Variants in VTI1A observed in about 807,000 individuals in gnomAD.
The protein encoded by VTI1A is vesicle transport through interaction with t-SNAREs 1A, also known as vesicle transport through interaction with t-SNAREs homolog 1A.
In VTI1A, 22 loss-of-function variants were observed where a neutral mutation model predicts 34.9. That is an observed-to-expected ratio of 0.63 (90% CI 0.45 to 0.90). The LOEUF (loss-of-function observed/expected upper bound fraction) is 0.90. VTI1A is among the 40% of genes least tolerant of loss of function. The pLI is 0.00. For missense variants in VTI1A, 268 were observed against 275.6 expected (o/e 0.97, Z 0.20); for synonymous variants, 87 against 97.3 (o/e 0.89, Z 0.62).
intron 5 of VTI1A, among the ~76,000 whole-genome samples, chr10:112,599,461 G>A (rs139105436): frequency 0.017 from 2,530 of 152,238 alleles, 33 homozygotes; most frequent in Middle Eastern, 0.031. Flanking sequence ...TAAATATTAG[G>A]ACAAAACAGT....
intron 7 of VTI1A, among the ~76,000 whole-genome samples, chr10:112,796,401 G>T (rs185483679): frequency 3.1e-5 from 2 of 63,804 alleles, no homozygotes; most frequent in Non-Finnish European, 4.0e-5. Context: ...GCAAGACTCC[G>T]TCAAAAAAAA....
At chr10:112,731,884 G>A (rs968800186) in intron 7 of VTI1A, among the ~76,000 whole-genome samples, 2 of 152,082 alleles carry the variant, frequency 1.3e-5, no homozygotes, top group African/African-American at 4.8e-5. Context: ...GCCTTCATTT[G>A]AAACTTAAAA....
chr10:112,772,723 G>A (rs549286168), intron 7 of VTI1A, among the ~76,000 whole-genome samples: 28 of 152,308 alleles, frequency 1.8e-4, no homozygotes, highest in Non-Finnish European at 2.9e-4. Context: ...TATATGCTGT[G>A]AGGTAAGGTT....
rs1175038252 is a variant in VTI1A at position 112,486,581 on chromosome 10, T to TGA, written c.264+21925_264+21926insAG. The stretch of plus-strand genomic sequence containing the variant: ...CCTTGGAAATCTGAGTTTTCGACAC[T>TGA]GTTAAATCCAAGATATTAAGATTTT... On this transcript the variant is annotated intron_variant, in intron 3 of 7. Coordinates refer to ENST00000393077, the MANE Select transcript of VTI1A (RefSeq NM_145206.4). Among the ~76,000 whole-genome samples the TGA allele has an allele frequency of 4.3e-5, 6 of 139,542 alleles. No homozygotes were observed. The East Asian group carries it at 1.2e-3, about 28-fold the overall frequency. 91.5% of individuals were successfully genotyped at this position (139,542 alleles called of 152,430 possible).
At chr10:112,655,788 A>G (rs1847209611) in intron 5 of VTI1A, among the ~76,000 whole-genome samples, 2 of 152,240 alleles carry the variant, frequency 1.3e-5, no homozygotes, top group Non-Finnish European at 2.9e-5. Flanking sequence ...CCAGTGGCCC[A>G]TAAGAAGGAG....
intron 7 of VTI1A, among the ~76,000 whole-genome samples, chr10:112,755,240 A>G (rs185614920): frequency 5.9e-4 from 90 of 151,392 alleles, no homozygotes; most frequent in Non-Finnish European, 1.0e-3. Flanking sequence ...TGGGTGACAG[A>G]GCGAGACTGT....
At chr10:112,695,791 C>A (rs565674996) in intron 7 of VTI1A, among the ~76,000 whole-genome samples, 14 of 152,262 alleles carry the variant, frequency 9.2e-5, no homozygotes, top group African/African-American at 3.1e-4. Context: ...AAACTTACAC[C>A]TTCAGGAGGC....
At chr10:112,588,966 G>A (rs931137735) in intron 5 of VTI1A, among the ~76,000 whole-genome samples, 12 of 149,304 alleles carry the variant, frequency 8.0e-5, no homozygotes, top group African/African-American at 2.7e-4. Context: ...AAGCATCGGT[G>A]TCATTTTCTA....
At chr10:112,814,682 T>C (rs574408244) in intron 7 of VTI1A, among the ~76,000 whole-genome samples, 24 of 152,216 alleles carry the variant, frequency 1.6e-4, no homozygotes, top group African/African-American at 5.3e-4. Context: ...CTCATTTCCA[T>C]CTTTTTTGCT....
intron 7 of VTI1A, among the ~76,000 whole-genome samples, chr10:112,721,815 A>C (rs181731319): frequency 1.3e-5 from 2 of 152,216 alleles, no homozygotes; most frequent in Non-Finnish European, 2.9e-5. Context: ...GATCTGTCCA[A>C]CAATGAAATG....
intron 7 of VTI1A, among the ~76,000 whole-genome samples, chr10:112,778,431 G>A (rs79100463): frequency 0.019 from 2,851 of 152,256 alleles, 36 homozygotes; most frequent in Middle Eastern, 0.041. Flanking sequence ...CACGTGAACC[G>A]ATTACCCACA....
intron 1 of VTI1A, among the ~76,000 whole-genome samples, chr10:112,454,135 C>T (rs546519762): frequency 1.3e-5 from 2 of 152,240 alleles, no homozygotes; most frequent in South Asian, 2.1e-4. Context: ...AGTGGTTTGA[C>T]CCTACATTTC....
At chr10:112,577,640 T>C (rs1843759426) in intron 5 of VTI1A, among the ~76,000 whole-genome samples, 1 of 152,242 alleles carries the variant, frequency 6.6e-6, no homozygotes, top group South Asian at 2.1e-4. Context: ...TCTAATATGT[T>C]CTTATTAAAG....
At chr10:112,603,997 G>T (rs1246829890) in intron 5 of VTI1A, among the ~76,000 whole-genome samples, 1 of 152,146 alleles carries the variant, frequency 6.6e-6, no homozygotes, top group Non-Finnish European at 1.5e-5. Flanking sequence ...CTGTCTTTTA[G>T]GATGTGAGGC....
intron 3 of VTI1A, among the ~76,000 whole-genome samples, chr10:112,467,281 A>G (rs2134060314): frequency 6.6e-6 from 1 of 152,256 alleles, no homozygotes; most frequent in Admixed American, 6.5e-5. Context: ...GTATACTTGG[A>G]TAAGTGTTCC....
chr10:112,724,494 C>T (rs1453195089), intron 7 of VTI1A, among the ~76,000 whole-genome samples: 2 of 152,012 alleles, frequency 1.3e-5, no homozygotes, highest in Non-Finnish European at 2.9e-5. Context: ...CTGGAAGGCT[C>T]TATCTCCTCC....
At chr10:112,595,067 T>C (rs1589951385) in intron 5 of VTI1A, among the ~76,000 whole-genome samples, 2 of 148,280 alleles carry the variant, frequency 1.3e-5, no homozygotes, top group African/African-American at 5.1e-5. Flanking sequence ...GGGAAAGGAT[T>C]CCCTATTTAA....
chr10:112,618,854 C>A (rs1282803201), intron 5 of VTI1A, among the ~76,000 whole-genome samples: 2 of 151,988 alleles, frequency 1.3e-5, no homozygotes, highest in Admixed American at 1.3e-4. Flanking sequence ...AGGGGTAGTT[C>A]AGCTTGACTG....
chr10:112,466,677 GCT>G (rs1847905216), intron 3 of VTI1A, among the ~76,000 whole-genome samples: 1 of 152,078 alleles, frequency 6.6e-6, no homozygotes, highest in Non-Finnish European at 1.5e-5. Context: ...GATTGTTTTA[GCT>G]TGCTTACCTC....
Sources: allele counts gnomAD v4.1 joint callset (sites outside exome capture counted in the v4.1 genomes callset), GRCh38; gene constraint gnomAD v4.1.1; transcripts MANE v1.5; gene names NCBI Gene and HGNC (gene_info 2026-07-23, HGNC 2026-07-21).